The following HIPK3 variants were observed in gnomAD, a reference collection of about 807,000 sequenced individuals.
The protein encoded by HIPK3 is homeodomain-interacting protein kinase 3.
HIPK3 carries 47 observed loss-of-function variants against 124.2 expected under a neutral mutation model. The ratio of observed to expected loss-of-function variants is 0.38; its 90% CI spans 0.30 to 0.48. HIPK3 has a LOEUF of 0.48. Among genes scored for constraint, HIPK3 ranks in the 20% least tolerant of loss-of-function variants. HIPK3 has a pLI of 0.98. For missense variants in HIPK3, 1,286 were observed against 1,454.3 expected (o/e 0.88, Z 1.88); for synonymous variants, 482 against 515.2 (o/e 0.94, Z 0.87).
At chr11:33,324,738 AG>A (rs1252087884) in intron 2 of HIPK3, among the ~76,000 whole-genome samples, 3 of 152,190 alleles carry the variant, frequency 2.0e-5, no homozygotes, top group African/African-American at 7.2e-5. Context: ...ATGTTTGCTT[AG>A]GGACTTGGTA....
Position 33,353,528 on chromosome 11 carries a change from C to T in HIPK3, c.3608C>T (p.Pro1203Leu), listed in dbSNP as rs1404424244. The change falls in exon 17 of 17, where the codon CCA becomes CTA. Residue 1203 changes from proline to leucine, a missense_variant. Transcript: ENST00000303296. ...GCATCACCTGCATATACTGGATTTCCACTGAGTCCAACAAAACTCAGCCAG... is the reference window on the plus strand; with the variant it reads ...GCATCACCTGCATATACTGGATTTCTACTGAGTCCAACAAAACTCAGCCAG... ...IAASPAYTGF[P>L]LSPTKLSQYP... 6.2e-6 allele frequency: 10 copies of T among 1,613,528 alleles called. No individual in the cohort carries two copies. Among genetic ancestry groups the T allele is most frequent in the Non-Finnish European group, 8.5e-6 (10 of 1,179,562 alleles).
At chr11:33,338,924 C>A in intron 5 of HIPK3, 81 bp downstream of exon 5, 1 of 914,802 alleles carries the variant, frequency 1.1e-6, no homozygotes, top group Non-Finnish European at 1.7e-6. Context: ...ACATGTTACT[C>A]AGTTTTTAAA....
At chr11:33,349,863 G>A (rs955297087) in intron 14 of HIPK3, among the ~76,000 whole-genome samples, 3 of 152,140 alleles carry the variant, frequency 2.0e-5, no homozygotes, top group African/African-American at 7.2e-5. Context: ...GCCTCCCCAG[G>A]TTCAAGTGAG....
At chr11:33,260,623 C>T (rs1425811593) in intron 1 of HIPK3, among the ~76,000 whole-genome samples, 2 of 152,124 alleles carry the variant, frequency 1.3e-5, no homozygotes, top group Non-Finnish European at 1.5e-5. Flanking sequence ...ATTAGAATTG[C>T]ACTATTGGTG....
At chr11:33,326,569 G>A (rs896420229) in intron 2 of HIPK3, among the ~76,000 whole-genome samples, 6 of 152,150 alleles carry the variant, frequency 3.9e-5, no homozygotes, top group Non-Finnish European at 8.8e-5. Context: ...AGAACAAGAT[G>A]TGCCTGGAAT....
chr11:33,261,502 G>A (rs1450456427), intron 1 of HIPK3, among the ~76,000 whole-genome samples: 1 of 152,152 alleles, frequency 6.6e-6, no homozygotes, highest in Non-Finnish European at 1.5e-5. Flanking sequence ...TATTAAGGAT[G>A]ATGGCCTCCA....
At chr11:33,266,073 A>G (rs958215032) in intron 1 of HIPK3, among the ~76,000 whole-genome samples, 3 of 150,658 alleles carry the variant, frequency 2.0e-5, no homozygotes, top group Non-Finnish European at 4.4e-5. Flanking sequence ...AAAAAAAAAA[A>G]AAAGAAAACA....
At chr11:33,298,798 G>A (rs1316258794) in intron 2 of HIPK3, among the ~76,000 whole-genome samples, 1 of 152,210 alleles carries the variant, frequency 6.6e-6, no homozygotes, top group East Asian at 1.9e-4. Flanking sequence ...CTGAAGATGG[G>A]ACTGACTTGC....
Position 33,337,112 on chromosome 11 carries a change from A to G in HIPK3, c.1259A>G (p.Glu420Gly). ...TCTCAGACTCAAGGTTTGCCAGGAGAACAGTTGTTAAATGTGGGTACTAAA... is the reference window on the plus strand; with the variant it reads ...TCTCAGACTCAAGGTTTGCCAGGAGGACAGTTGTTAAATGTGGGTACTAAA... Reference protein sequence around the residue: ...YISQTQGLPGEQLLNVGTKST... With the variant: ...YISQTQGLPGGQLLNVGTKST... The change falls in exon 4 of 17, where the codon GAA becomes GGA. Residue 420 changes from glutamate to glycine, a missense_variant. Transcript: ENST00000303296. 5.0e-6 allele frequency: 8 copies of G among 1,601,578 alleles called. No individual in the cohort carries two copies. The highest frequency in any genetic ancestry group is 6.8e-6 in the Non-Finnish European group (8 of 1,170,522).
At chr11:33,262,106 T>C (rs1168027005) in intron 1 of HIPK3, among the ~76,000 whole-genome samples, 1 of 152,244 alleles carries the variant, frequency 6.6e-6, no homozygotes, top group African/African-American at 2.4e-5. Flanking sequence ...GCCTAATACT[T>C]AAGCACCTTA....
chr11:33,330,732 A>T (rs938590076), intron 3 of HIPK3, among the ~76,000 whole-genome samples: 1 of 151,816 alleles, frequency 6.6e-6, no homozygotes, highest in African/African-American at 2.4e-5. Flanking sequence ...TGGGACTTTA[A>T]GCTCATTTTC....
At chr11:33,311,316 G>GC (rs1462157137) in intron 2 of HIPK3, among the ~76,000 whole-genome samples, 16 of 152,136 alleles carry the variant, frequency 1.1e-4, no homozygotes. Context: ...CTTCTGAGTG[G>GC]CTAGGACCAC....
chr11:33,276,525 A>G (rs967938331), intron 1 of HIPK3, among the ~76,000 whole-genome samples: 2 of 152,160 alleles, frequency 1.3e-5, no homozygotes, highest in African/African-American at 2.4e-5. Context: ...GATTCTAGCT[A>G]GTTTCTTGGG....
intron 3 of HIPK3, among the ~76,000 whole-genome samples, chr11:33,331,757 C>A (rs1852992470): frequency 6.6e-6 from 1 of 152,266 alleles, no homozygotes; most frequent in South Asian, 2.1e-4. Flanking sequence ...CTAATTAATG[C>A]TTACTGAGCT....
Position 33,308,643 on chromosome 11 carries a change from A to T in HIPK3, c.1098-19867A>T, listed in dbSNP as rs538354135. ...GTGTGTGTGTGTGTGTGTGTGTGTG[A>T]GATTCTGCTTGGGGTTTATAGAGCT... On this transcript the variant is annotated intron_variant, in intron 2 of 16. Coordinates refer to ENST00000303296, the MANE Select transcript of HIPK3 (RefSeq NM_005734.5). Among the ~76,000 whole-genome samples the T allele has an allele frequency of 1.3e-4, 17 of 125,954 alleles. No individual in the cohort carries two copies. The South Asian group carries it at 1.4e-3, about 10-fold the overall frequency. The allele number at this position is 125,954 out of a possible 152,430, so 82.6% of individuals were successfully genotyped here. A position where few individuals can be genotyped will look rare whatever the true frequency, so the allele number is the denominator to read the frequency against.
chr11:33,337,403 T>A (rs925454506), intron 4 of HIPK3, among the ~76,000 whole-genome samples: 6 of 152,190 alleles, frequency 3.9e-5, no homozygotes, highest in Admixed American at 3.9e-4. Context: ...TCGCCCAGGC[T>A]GGAGTGCAGT....
At chr11:33,326,492 C>G (rs1852815133) in intron 2 of HIPK3, among the ~76,000 whole-genome samples, 4 of 152,150 alleles carry the variant, frequency 2.6e-5, no homozygotes, top group Admixed American at 1.3e-4. Flanking sequence ...TTTCAAAGGT[C>G]TATTCTATAC....
chr11:33,332,633 T>G (rs1274866912), intron 3 of HIPK3, among the ~76,000 whole-genome samples: 1 of 152,216 alleles, frequency 6.6e-6, no homozygotes, highest in Non-Finnish European at 1.5e-5. Flanking sequence ...ATTTCAAGTC[T>G]TATGTAAGAA....
chr11:33,310,721 A>G (rs1299311187), intron 2 of HIPK3, among the ~76,000 whole-genome samples: 1 of 152,232 alleles, frequency 6.6e-6, no homozygotes, highest in African/African-American at 2.4e-5. Context: ...GATAGTACAA[A>G]TAGTACAGAT....
Sources: allele counts gnomAD v4.1 joint callset (sites outside exome capture counted in the v4.1 genomes callset), GRCh38; gene constraint gnomAD v4.1.1; transcripts MANE v1.5; gene names NCBI Gene and HGNC (gene_info 2026-07-23, HGNC 2026-07-21).